RSU1: variants seen among roughly 807,000 people sequenced by gnomAD.
The protein encoded by RSU1 is Ras suppressor protein 1.
In RSU1, 26 loss-of-function variants were observed where a neutral mutation model predicts 31.1. The observed-to-expected ratio is 0.84, with a 90% CI of 0.61 to 1.16. RSU1 has a LOEUF of 1.16. Ranked by LOEUF, RSU1 falls within the 50% of genes most tolerant of loss-of-function variation. The probability of loss-of-function intolerance (pLI) is 0.00; values close to 1 mark genes in which losing one functional copy is unlikely to be tolerated. For synonymous variants in RSU1, 164 were observed against 136.3 expected, an observed-to-expected ratio of 1.20 and a Z score of -1.41; for missense variants, 320 against 339.1, an observed-to-expected ratio of 0.94 and a Z score of 0.44.
chr10:16,723,646 C>G (rs1254312726), intron 7 of RSU1, among the ~76,000 whole-genome samples: 3 of 152,182 alleles, frequency 2.0e-5, no homozygotes, highest in African/African-American at 4.8e-5. Context: ...AAGCATTCTT[C>G]TGAGTTAATC....
chr10:16,733,685 G>C (rs1270634394), intron 7 of RSU1, among the ~76,000 whole-genome samples: 1 of 152,136 alleles, frequency 6.6e-6, no homozygotes, highest in African/African-American at 2.4e-5. Context: ...TTTTGTGAAA[G>C]AAGTAGGTGA....
chr10:16,817,053 TCCA>T lies in RSU1; in HGVS notation c.26_28del (p.Val9del). On this transcript the variant is annotated inframe_deletion, in exon 2 of 9. Coordinates refer to ENST00000345264, the MANE Select transcript of RSU1 (RefSeq NM_012425.4). ...GGGCTGGTTCTTCTCCCGGCTCTCC[TCCA>T]CCAACTTCTTCAGAGACTTGGACAT... The T allele has an allele frequency of 1.1e-5, 18 of 1,614,042 alleles. No homozygotes were observed. Among genetic ancestry groups the T allele is most frequent in the Non-Finnish European group, 1.5e-5 (18 of 1,179,894 alleles).
chr10:16,688,525 C>T (rs933276358), intron 8 of RSU1, among the ~76,000 whole-genome samples: 11 of 152,142 alleles, frequency 7.2e-5, no homozygotes, highest in African/African-American at 2.4e-4. Flanking sequence ...AGGAGAATGG[C>T]GTGAACCCGG....
At chr10:16,739,863 A>T (rs918959409) in intron 7 of RSU1, among the ~76,000 whole-genome samples, 3 of 152,146 alleles carry the variant, frequency 2.0e-5, no homozygotes, top group African/African-American at 4.8e-5. Flanking sequence ...CACCCGCCTC[A>T]GCCTCTCAAA....
intron 4 of RSU1, among the ~76,000 whole-genome samples, chr10:16,758,290 G>C (rs758204003): frequency 6.6e-6 from 1 of 152,342 alleles, no homozygotes; most frequent in Non-Finnish European, 1.5e-5. Flanking sequence ...CAGGTGGATG[G>C]TGACATGGTG....
At chr10:16,638,702 C>G (rs1834389711) in intron 8 of RSU1, among the ~76,000 whole-genome samples, 1 of 152,206 alleles carries the variant, frequency 6.6e-6, no homozygotes, top group African/African-American at 2.4e-5. Context: ...AAAATACACA[C>G]AGCTCAATCT....
intron 8 of RSU1, among the ~76,000 whole-genome samples, chr10:16,630,336 C>T: frequency 6.6e-6 from 1 of 152,214 alleles, no homozygotes; most frequent in Non-Finnish European, 1.5e-5. Context: ...AAGTTTCCAT[C>T]GTGTTCTTTA....
In RSU1 at chr10:16,673,037, G is replaced by A. The variant is rs542259352; in HGVS notation, c.731+21986C>T. On this transcript the variant is annotated intron_variant, in intron 8 of 8. Coordinates refer to ENST00000345264, the MANE Select transcript of RSU1 (RefSeq NM_012425.4). ...TGGTCTACAGGTGGAAGAGAACCTA[G>A]CATGTCTCCTAGGGCAAGCTTATTC... 1.3e-4 allele frequency among the ~76,000 whole-genome samples: 20 copies of A among 152,264 alleles called. 1 individual carries two copies. In the South Asian group the frequency reaches 2.3e-3, roughly 17 times the overall value.
intron 7 of RSU1, among the ~76,000 whole-genome samples, chr10:16,725,650 T>G (rs1836378677): frequency 6.6e-6 from 1 of 151,590 alleles, no homozygotes; most frequent in Non-Finnish European, 1.5e-5. Context: ...GACACAGCAT[T>G]TCTCTTCTCC....
intron 3 of RSU1, among the ~76,000 whole-genome samples, chr10:16,778,702 G>A (rs1481680676): frequency 6.6e-6 from 1 of 152,172 alleles, no homozygotes; most frequent in Non-Finnish European, 1.5e-5. Flanking sequence ...GAGGAGGGAG[G>A]AGGAGAGGCA....
chr10:16,716,739 G>C (rs1267623985), intron 7 of RSU1, among the ~76,000 whole-genome samples: 2 of 152,038 alleles, frequency 1.3e-5, no homozygotes, highest in Non-Finnish European at 2.9e-5. Flanking sequence ...CAACTAAAGA[G>C]CCCTTTCAGA....
intron 5 of RSU1, among the ~76,000 whole-genome samples, chr10:16,754,618 C>A (rs1288152664): frequency 1.3e-5 from 2 of 149,116 alleles, no homozygotes; most frequent in Non-Finnish European, 3.0e-5. Flanking sequence ...GGCTTGATCT[C>A]ATTTAGGTAT....
At chr10:16,722,830 C>T (rs1020614511) in intron 7 of RSU1, among the ~76,000 whole-genome samples, 1 of 133,082 alleles carries the variant, frequency 7.5e-6, no homozygotes, top group Admixed American at 8.2e-5. Flanking sequence ...ATGTATACAG[C>T]CACATATATG....
At position 16,754,963 on chromosome 10, in the gene RSU1, C is replaced by G. The variant is rs200412240; in HGVS notation, c.308G>C (p.Arg103Pro). The change falls in exon 5 of 9, where the codon CGA (arginine) becomes CCA (proline). Residue 103 changes from arginine (R) to proline (P), a missense_variant. Transcript: ENST00000345264. ...AAGAGCTGGCAGGGAGCCGAAGCCT[C>G]GTGGCAAAGTGTTCAGCCTGTTCAT... Reference protein sequence around the residue: ...LGMNRLNTLPRGFGSLPALEV... With the variant: ...LGMNRLNTLPPGFGSLPALEV... The G allele has an allele frequency of 2.5e-6, 4 of 1,613,310 alleles. No individual in the cohort carries two copies. Among genetic ancestry groups the G allele is most frequent in the Non-Finnish European group, 3.4e-6 (4 of 1,179,704 alleles).
At chr10:16,796,297 A>G (rs1838030535) in intron 2 of RSU1, among the ~76,000 whole-genome samples, 11 of 152,152 alleles carry the variant, frequency 7.2e-5, no homozygotes, top group Admixed American at 6.5e-4. Context: ...ATTGACATTG[A>G]TCATCAATCA....
chr10:16,622,955 G>A (rs1245454610), intron 8 of RSU1, among the ~76,000 whole-genome samples: 1 of 152,070 alleles, frequency 6.6e-6, no homozygotes, highest in Admixed American at 6.6e-5. Context: ...CTGCATGTGA[G>A]ACTACAACTC....
intron 8 of RSU1, among the ~76,000 whole-genome samples, chr10:16,658,301 G>A (rs368550550): frequency 6.6e-6 from 1 of 152,202 alleles, no homozygotes; most frequent in Admixed American, 6.5e-5. Flanking sequence ...TTGGGATGAA[G>A]ATAAACAAAA....
intron 8 of RSU1, among the ~76,000 whole-genome samples, chr10:16,611,377 T>C (rs930247521): frequency 2.0e-5 from 3 of 152,212 alleles, no homozygotes; most frequent in Non-Finnish European, 4.4e-5. Flanking sequence ...CTGGTTATAA[T>C]AGGGCTAACT....
intron 8 of RSU1, among the ~76,000 whole-genome samples, chr10:16,628,765 T>G (rs181446019): frequency 2.0e-5 from 3 of 152,334 alleles, no homozygotes; most frequent in African/African-American, 7.2e-5. Flanking sequence ...CCTTGGTTTA[T>G]AATTAAGTTT....
Sources: gnomAD v4.1 joint callset for allele counts (sites outside exome capture counted in the v4.1 genomes callset) on GRCh38, gnomAD v4.1.1 for gene constraint, MANE v1.5 for transcripts, NCBI Gene and HGNC (gene_info 2026-07-23, HGNC 2026-07-21) for gene names.